Variants in VPS13C observed in about 807,000 individuals in gnomAD.
VPS13C encodes the protein vacuolar protein sorting 13 homolog C, also known as intermembrane lipid transfer protein VPS13C.
In VPS13C, 358 loss-of-function variants were observed where a neutral mutation model predicts 456.8. The observed-to-expected ratio is 0.78, with a 90% confidence interval of 0.72 to 0.86. The LOEUF (loss-of-function observed/expected upper bound fraction) is 0.86. Ranked by LOEUF, VPS13C falls within the 40% of genes least tolerant of loss-of-function variation. The pLI, the probability that VPS13C is intolerant of heterozygous loss-of-function variation, is 0.00. For synonymous variants in VPS13C, 1,578 were observed against 1,486.7 expected (o/e 1.06, Z -1.41); for missense variants, 4,818 against 4,385.4 (o/e 1.10, Z -2.79).
At chr15:62,060,220 G>A in intron 1 of VPS13C, 55 bp downstream of exon 1, 1 of 1,023,774 alleles carries the variant, frequency 9.8e-7, no homozygotes, top group Non-Finnish European at 1.5e-6. Flanking sequence ...GGACGGAGCA[G>A]CCCTCGGCTG....
intron 1 of VPS13C, among the ~76,000 whole-genome samples, chr15:62,051,884 A>G (rs2048631588): frequency 6.6e-6 from 1 of 152,210 alleles, no homozygotes; most frequent in Non-Finnish European, 1.5e-5. Flanking sequence ...TTTTTCCTCA[A>G]AAGACAGAAA....
intron 66 of VPS13C, 101 bp downstream of exon 66, chr15:61,907,163 T>C: frequency 6.4e-7 from 1 of 1,565,876 alleles, no homozygotes; most frequent in South Asian, 1.1e-5. Flanking sequence ...TACTTCCAAT[T>C]CACTTTTAGT....
chr15:61,927,225 G>C lies in VPS13C; in HGVS notation c.6382C>G (p.Leu2128Val), dbSNP rs767683061. 1.9e-6 allele frequency: 3 copies of C among 1,614,188 alleles called. No individual in the cohort carries two copies. Among genetic ancestry groups the C allele is most frequent in the East Asian group, 2.2e-5 (1 of 44,884 alleles). ...ASLTKADAPA[L>V]TASFQCNLSL... ...AGGTTGCACTGAAACGAGGCTGTCA[G>C]AGCAGGAGCATCAGCCTTTGTCAGG... The change falls in exon 52 of 85, where the codon CTG (leucine) becomes GTG (valine). Residue 2128 changes from leucine to valine, a missense_variant. By Grantham distance (32) the Leu-to-Val change is conservative. Around this residue, in one of 3 missense-constraint regions of VPS13C, gnomAD observed 4,552 missense variants for 4,130.6 expected, o/e 1.10. Transcript: ENST00000644861.
In VPS13C at chr15:61,874,964, A is replaced by T; in HGVS notation, c.10339-13T>A. 3 of 1,535,412 alleles carry T rather than the reference A, an allele frequency of 2.0e-6. No individual in the cohort carries two copies. Among genetic ancestry groups the T allele is most frequent in the Non-Finnish European group, 2.6e-6 (3 of 1,150,470 alleles). On this transcript the variant is annotated splice_polypyrimidine_tract_variant and intron_variant, in intron 76 of 84. Coordinates refer to ENST00000644861, the MANE Select transcript of VPS13C (RefSeq NM_020821.3). Reference sequence around the variant, plus strand: ...CTTGAACAGCACCCTGGCAAAAAAAAATAAAAAATAATCTTATTATTTAAA... The same window carrying T: ...CTTGAACAGCACCCTGGCAAAAAAATATAAAAAATAATCTTATTATTTAAA...
At chr15:61,907,049 A>T (rs190170589) in intron 66 of VPS13C, 1 of 519,848 alleles carries the variant, frequency 1.9e-6, no homozygotes. Flanking sequence ...AAGCAGGTCT[A>T]TTTTTTAAAT....
At chr15:62,035,467 T>C (rs12439366) in intron 3 of VPS13C, among the ~76,000 whole-genome samples, 8,995 of 151,956 alleles carry the variant, frequency 0.059, 467 homozygotes, top group East Asian at 0.2. Flanking sequence ...ACAACAACAG[T>C]TGATAGTCTT....
rs762787145 is a variant in VPS13C at position 61,911,935 on chromosome 15, T to A, written c.8620A>T (p.Ile2874Phe). 6.2e-7 allele frequency: 1 copy of A among 1,612,986 alleles called. No individual in the cohort carries two copies. Among genetic ancestry groups the A allele is most frequent in the Non-Finnish European group, 8.5e-7 (1 of 1,179,494 alleles). ...RIVTLTPFCT[I>F]ANKSSLELEV... ...AGTTCTAATGATGACTTGTTTGCAA[T>A]GGTACAAAAGGGAGTCAGGGTAACT... The change falls in exon 63 of 85, where the codon ATT (isoleucine) becomes TTT (phenylalanine). Residue 2874 changes from isoleucine to phenylalanine, a missense_variant. Ile to Phe is a conservative substitution (Grantham distance 21). This residue lies in a region of VPS13C where 4,552 missense variants were observed against 4,130.6 expected (regional missense o/e 1.10). Coordinates refer to ENST00000644861, the MANE Select transcript of VPS13C (RefSeq NM_020821.3).
chr15:61,978,511 G>T, intron 23 of VPS13C, 115 bp downstream of exon 23: 1 of 1,261,432 alleles, frequency 7.9e-7, no homozygotes, highest in Non-Finnish European at 1.1e-6. Context: ...GCAGCCAAAA[G>T]AATATGTGTG....
At chr15:62,058,555 A>AGC (rs758483758) in intron 1 of VPS13C, among the ~76,000 whole-genome samples, 6 of 152,234 alleles carry the variant, frequency 3.9e-5, no homozygotes, top group African/African-American at 7.2e-5. Context: ...GGGTATTATA[A>AGC]GCAATCCAGA....
chr15:61,903,192 G>C (rs980907405), intron 66 of VPS13C, among the ~76,000 whole-genome samples: 2 of 151,654 alleles, frequency 1.3e-5, no homozygotes, highest in South Asian at 4.2e-4. Context: ...AAACAAAAAC[G>C]CTGGGCTTGG....
chr15:61,934,213 A>G lies in VPS13C; in HGVS notation c.5868+6T>C. On this transcript the variant is annotated splice_donor_region_variant and intron_variant, in intron 49 of 84. Transcript: ENST00000644861. ...TTATTTCTAATTACAGAAATGTATT[A>G]CATACCTGGTTGATATCATTGTTAT... The G allele has an allele frequency of 6.5e-7, 1 of 1,545,530 alleles. No homozygotes were observed. Among genetic ancestry groups the G allele is most frequent in the Non-Finnish European group, 8.8e-7 (1 of 1,135,634 alleles).
At chr15:61,866,883 A>C (rs368196662) in intron 81 of VPS13C, 2 of 981,016 alleles carry the variant, frequency 2.0e-6, no homozygotes, top group African/African-American at 1.8e-5. Context: ...CTTCAAATAT[A>C]CAACACATTA....
Position 62,012,430 on chromosome 15 carries a change from T to C in VPS13C, c.826-266A>G, listed in dbSNP as rs146150982. Among the ~76,000 whole-genome samples, 315 of 152,072 alleles carry C rather than the reference T, an allele frequency of 2.1e-3. 3 individuals carry two copies. Among genetic ancestry groups the C allele is most frequent in the African/African-American group, 7.3e-3 (304 of 41,536 alleles). On this transcript the variant is annotated intron_variant, in intron 11 of 84. Transcript: ENST00000644861. Reference sequence around the variant, plus strand: ...CACTCTGACTCCGAAAAAATGTACATATATGTATATCCATACACTGCGATT... The same window carrying C: ...CACTCTGACTCCGAAAAAATGTACACATATGTATATCCATACACTGCGATT...
Position 61,910,192 on chromosome 15 carries a change from C to T in VPS13C, c.8829G>A (p.Leu2943=), listed in dbSNP as rs1392324495. ...FYNRQDNGTL[L]SLEDLNGGIL... ...GAAAACTTACCAGATCTTCTAAGCT[C>T]AATAAAGTGCCATTATCCTGTCGGT... is the stretch of plus-strand genomic sequence containing the variant. Residue 2943 remains leucine (L), a synonymous_variant, in exon 64 of 85, where the codon TTG becomes TTA. Coordinates refer to ENST00000644861, the MANE Select transcript of VPS13C (RefSeq NM_020821.3). The T allele has an allele frequency of 4.2e-6, 6 of 1,413,802 alleles. No individual in the cohort carries two copies. The highest frequency in any genetic ancestry group is 5.6e-6 in the Non-Finnish European group (6 of 1,074,940). The allele number at this position is 1,413,802 out of a possible 1,614,324, so 87.6% of individuals were successfully genotyped here.
At chr15:61,936,505 C>T (rs2044230383) in intron 48 of VPS13C, 92 bp downstream of exon 48, 2 of 1,269,842 alleles carry the variant, frequency 1.6e-6, no homozygotes, top group Non-Finnish European at 2.1e-6. Flanking sequence ...TAGTTCATAC[C>T]ACATTGTGCT....
chr15:61,863,110 C>A (rs1894314658), intron 82 of VPS13C, among the ~76,000 whole-genome samples: 1 of 152,022 alleles, frequency 6.6e-6, no homozygotes, highest in African/African-American at 2.4e-5. Flanking sequence ...ATTAATCCTC[C>A]ATAACTGGAC....
intron 45 of VPS13C, 93 bp downstream of exon 45, chr15:61,945,622 C>A: frequency 1.0e-6 from 1 of 1,002,706 alleles, no homozygotes. Context: ...ATCACACAGC[C>A]TTATCAGTGA....
At chr15:61,900,129 A>T (rs956618147) in intron 66 of VPS13C, among the ~76,000 whole-genome samples, 2 of 152,172 alleles carry the variant, frequency 1.3e-5, no homozygotes, top group Non-Finnish European at 2.9e-5. Flanking sequence ...AATAAAAGCT[A>T]TCTATGACAA....
rs1364001825 is a variant in VPS13C, at chr15:61,929,759, AC to A, written c.6039-12del. ...TTTCTGTCAATCATTCTGAAAAAAA[AC>A]ATGCTATTCATTATTTTATTCTTGC... On this transcript the variant is annotated splice_polypyrimidine_tract_variant and intron_variant, in intron 50 of 84. Transcript: ENST00000644861. 5 of 1,602,538 alleles carry A rather than the reference AC, an allele frequency of 3.1e-6. No homozygotes were observed. The highest frequency in any genetic ancestry group is 2.2e-5 in the South Asian group (2 of 89,852).
Sources: allele counts gnomAD v4.1 joint callset (sites outside exome capture counted in the v4.1 genomes callset), GRCh38; gene constraint gnomAD v4.1.1; regional missense constraint gnomAD v4.1.1; transcripts MANE v1.5; gene names NCBI Gene and HGNC (gene_info 2026-07-23, HGNC 2026-07-21).